PARD3: variants seen among roughly 807,000 people sequenced by gnomAD.
PARD3 encodes the protein partitioning defective 3 homolog.
PARD3 carries 75 observed loss-of-function variants against 155.4 expected under a neutral mutation model. The ratio of observed to expected loss-of-function variants is 0.48; its 90% CI spans 0.40 to 0.58. PARD3 has a LOEUF of 0.58. Ranked by LOEUF, PARD3 falls within the 20% of genes least tolerant of loss-of-function variation. The pLI is 0.00. For missense variants in PARD3, 1,642 were observed against 1,721.7 expected (o/e 0.95, Z 0.82); for synonymous variants, 576 against 610.5 (o/e 0.94, Z 0.83).
intron 5 of PARD3, among the ~76,000 whole-genome samples, chr10:34,432,337 T>TGC (rs1554855749): frequency 7.0e-6 from 1 of 143,456 alleles, no homozygotes; most frequent in Non-Finnish European, 1.5e-5. Flanking sequence ...CACGTGCACA[T>TGC]ACACACACAC....
In PARD3 at chr10:34,738,978, G is replaced by A. The variant is rs529546617; in HGVS notation, c.121-42559C>T. Among the ~76,000 whole-genome samples, 9 of 152,250 alleles carry A rather than the reference G, an allele frequency of 5.9e-5. No individual in the cohort carries two copies. In the South Asian group the frequency reaches 1.9e-3, roughly 32 times the overall value. On this transcript the variant is annotated intron_variant, in intron 1 of 24. Transcript: ENST00000374788. ...GTAAATGGTAATGATTGATATATCTGAACAAAAATTTACAAATGGATGTAA... is the reference window on the plus strand; with the variant it reads ...GTAAATGGTAATGATTGATATATCTAAACAAAAATTTACAAATGGATGTAA...
At chr10:34,421,479 C>T (rs1846181007) in intron 5 of PARD3, among the ~76,000 whole-genome samples, 1 of 151,550 alleles carries the variant, frequency 6.6e-6, no homozygotes, top group African/African-American at 2.4e-5. Context: ...AATGAGCATC[C>T]ATGTTTTTTT....
intron 5 of PARD3, among the ~76,000 whole-genome samples, chr10:34,402,178 A>C (rs996579233): frequency 6.6e-6 from 1 of 152,162 alleles, no homozygotes; most frequent in African/African-American, 2.4e-5. Flanking sequence ...AAAAACAAAG[A>C]AAAAACTTAT....
chr10:34,288,708 C>T (rs1956523859), intron 20 of PARD3, among the ~76,000 whole-genome samples: 1 of 152,142 alleles, frequency 6.6e-6, no homozygotes, highest in South Asian at 2.1e-4. Flanking sequence ...CTTTTAAAAG[C>T]CATGGATGAA....
At chr10:34,322,325 GAGCAGA>G (rs1462791015) in intron 19 of PARD3, among the ~76,000 whole-genome samples, 1 of 152,184 alleles carries the variant, frequency 6.6e-6, no homozygotes, top group Non-Finnish European at 1.5e-5. Flanking sequence ...ATGGATAGCA[GAGCAGA>G]AGGGGCAGAA....
At chr10:34,273,104 T>C (rs895517737) in intron 21 of PARD3, among the ~76,000 whole-genome samples, 1 of 152,216 alleles carries the variant, frequency 6.6e-6, no homozygotes, top group African/African-American at 2.4e-5. Flanking sequence ...TGTCCAGTAA[T>C]TGTGCCTCCC....
intron 2 of PARD3, among the ~76,000 whole-genome samples, chr10:34,660,387 A>G (rs2093290920): frequency 6.6e-6 from 1 of 152,178 alleles, no homozygotes; most frequent in African/African-American, 2.4e-5. Context: ...TTTTTCTCTA[A>G]AAAGGGGCAA....
At position 34,333,881 on chromosome 10, in the gene PARD3, T is replaced by C. The variant is rs182545801; in HGVS notation, c.2605+2318A>G. Among the ~76,000 whole-genome samples, 90 of 150,910 alleles carry C rather than the reference T, an allele frequency of 6.0e-4. 1 individual carries two copies. Among genetic ancestry groups the C allele is most frequent in the African/African-American group, 2.1e-3 (85 of 41,114 alleles). ...ACTATAACAAAGGTTTTGAATGATA[T>C]GTTAGGATTTCTCAGCGAAGTTATT... On this transcript the variant is annotated intron_variant, in intron 18 of 24. Transcript: ENST00000374788.
chr10:34,220,882 G>A (rs1032323820), intron 22 of PARD3, among the ~76,000 whole-genome samples: 4 of 152,176 alleles, frequency 2.6e-5, no homozygotes, highest in African/African-American at 7.2e-5. Flanking sequence ...TGGTACCCAC[G>A]CATTACATCT....
At chr10:34,309,144 G>T (rs1957565481) in intron 20 of PARD3, among the ~76,000 whole-genome samples, 1 of 152,166 alleles carries the variant, frequency 6.6e-6, no homozygotes, top group African/African-American at 2.4e-5. Flanking sequence ...ATATCAAAGG[G>T]TCTGCTGTGG....
chr10:34,530,413 G>T (rs139172478), intron 2 of PARD3, among the ~76,000 whole-genome samples: 5 of 152,270 alleles, frequency 3.3e-5, no homozygotes, highest in Non-Finnish European at 7.4e-5. Flanking sequence ...TTCTGGCACT[G>T]CTTCGTCTCT....
At chr10:34,298,582 G>C (rs1473070032) in intron 20 of PARD3, among the ~76,000 whole-genome samples, 3 of 152,164 alleles carry the variant, frequency 2.0e-5, no homozygotes, top group Non-Finnish European at 4.4e-5. Context: ...GGTTTCCAGG[G>C]ACGGGGGAAG....
At chr10:34,243,761 G>A (rs1262309999) in intron 22 of PARD3, among the ~76,000 whole-genome samples, 4 of 152,280 alleles carry the variant, frequency 2.6e-5, no homozygotes, top group Admixed American at 2.6e-4. Flanking sequence ...AGTAAGCCAA[G>A]ATTGTGCCAC....
chr10:34,597,617 T>G (rs2089405831), intron 2 of PARD3, among the ~76,000 whole-genome samples: 1 of 152,136 alleles, frequency 6.6e-6, no homozygotes, highest in Non-Finnish European at 1.5e-5. Flanking sequence ...GAAAAACAAT[T>G]TTCACTTTGC....
At chr10:34,401,220 C>G (rs191646243) in intron 6 of PARD3, among the ~76,000 whole-genome samples, 2 of 152,162 alleles carry the variant, frequency 1.3e-5, no homozygotes, top group African/African-American at 2.4e-5. Flanking sequence ...ACCATTTACA[C>G]ATGTCAATAT....
At chr10:34,684,782 C>CAT (rs1441750282) in intron 2 of PARD3, among the ~76,000 whole-genome samples, 288 of 10,316 alleles carry the variant, frequency 0.028, 3 homozygotes, top group African/African-American at 0.12. Flanking sequence ...GATACATACA[C>CAT]ACACACACAC....
intron 20 of PARD3, among the ~76,000 whole-genome samples, chr10:34,314,710 G>A (rs1255748019): frequency 1.3e-5 from 2 of 152,162 alleles, no homozygotes; most frequent in African/African-American, 2.4e-5. Flanking sequence ...CTGCACAGTC[G>A]TCATTATATA....
intron 19 of PARD3, among the ~76,000 whole-genome samples, chr10:34,322,860 T>C (rs1361069961): frequency 6.6e-6 from 1 of 152,174 alleles, no homozygotes; most frequent in Non-Finnish European, 1.5e-5. Flanking sequence ...TACTTAGTAA[T>C]AGGAACACAG....
chr10:34,678,522 G>C (rs1220924482), intron 2 of PARD3, among the ~76,000 whole-genome samples: 1 of 152,018 alleles, frequency 6.6e-6, no homozygotes, highest in Admixed American at 6.6e-5. Flanking sequence ...GGTAACATCA[G>C]GGTCTCCATT....
Sources: gnomAD v4.1 joint callset for allele counts (sites outside exome capture counted in the v4.1 genomes callset) on GRCh38, gnomAD v4.1.1 for gene constraint, MANE v1.5 for transcripts, NCBI Gene and HGNC (gene_info 2026-07-23, HGNC 2026-07-21) for gene names.